Variants in DAB1 observed in about 807,000 individuals in gnomAD.
The protein encoded by DAB1 is DAB adaptor protein 1, also known as disabled homolog 1.
A neutral mutation model predicts 64.6 loss-of-function variants in DAB1; 15 were observed. The ratio of observed to expected loss-of-function variants is 0.23; its 90% CI spans 0.16 to 0.36. The LOEUF (loss-of-function observed/expected upper bound fraction) is 0.36, where lower values mean the gene tolerates loss of function less well. Among genes scored for constraint, DAB1 ranks in the 10% least tolerant of loss-of-function variants. The pLI is 1.00. For synonymous variants in DAB1, 235 were observed against 251.9 expected, an observed-to-expected ratio of 0.93 and a Z score of 0.64; for missense variants, 596 against 706.7, an observed-to-expected ratio of 0.84 and a Z score of 1.78.
At chr1:57,670,892 C>T (rs1646502864) in intron 6 of DAB1, among the ~76,000 whole-genome samples, 1 of 152,108 alleles carries the variant, frequency 6.6e-6, no homozygotes, top group African/African-American at 2.4e-5. Context: ...GATACCAAAA[C>T]CCACAGTGTT....
At chr1:57,774,312 G>T (rs1649695292) in intron 6 of DAB1, among the ~76,000 whole-genome samples, 1 of 151,718 alleles carries the variant, frequency 6.6e-6, no homozygotes. Context: ...TTTGTATCCT[G>T]CAATCTGGCT....
chr1:58,421,493 A>T (rs766488416), intron 3 of DAB1, among the ~76,000 whole-genome samples: 4 of 152,220 alleles, frequency 2.6e-5, no homozygotes, highest in Non-Finnish European at 4.4e-5. Context: ...AGAAATATAT[A>T]TGTCACATCT....
At chr1:57,874,765 A>G (rs1644015088) in intron 1 of DAB1, among the ~76,000 whole-genome samples, 1 of 152,130 alleles carries the variant, frequency 6.6e-6, no homozygotes, top group Non-Finnish European at 1.5e-5. Flanking sequence ...GGGTTCAAAC[A>G]AGGTTAAAAC....
At chr1:57,957,700 C>A (rs1046479421) in intron 5 of DAB1, among the ~76,000 whole-genome samples, 15 of 152,078 alleles carry the variant, frequency 9.9e-5, no homozygotes, top group African/African-American at 3.4e-4. Context: ...TAAAGGAAAA[C>A]TGAGGATTGG....
At chr1:57,131,183 G>C (rs931998141) in intron 4 of DAB1, among the ~76,000 whole-genome samples, 2 of 152,114 alleles carry the variant, frequency 1.3e-5, no homozygotes, top group Non-Finnish European at 2.9e-5. Context: ...AATAAGCTTA[G>C]GTATTATAGA....
chr1:57,297,631 T>G (rs1558115789), intron 1 of DAB1, among the ~76,000 whole-genome samples: 1 of 152,106 alleles, frequency 6.6e-6, no homozygotes, highest in Non-Finnish European at 1.5e-5. Context: ...GCATTGGGTG[T>G]TTTTTGCTTA....
At chr1:57,285,214 A>C (rs1255864529) in intron 2 of DAB1, among the ~76,000 whole-genome samples, 2 of 152,172 alleles carry the variant, frequency 1.3e-5, no homozygotes, top group Non-Finnish European at 2.9e-5. Context: ...GCCAGACTAC[A>C]TTGCAGACCC....
intron 5 of DAB1, among the ~76,000 whole-genome samples, chr1:58,104,142 G>A (rs552681191): frequency 6.6e-6 from 1 of 152,352 alleles, no homozygotes; most frequent in African/African-American, 2.4e-5. Context: ...AGTGTGCCAG[G>A]CACAGAGAGG....
intron 4 of DAB1, among the ~76,000 whole-genome samples, chr1:58,311,773 C>T (rs1382032828): frequency 6.6e-6 from 1 of 152,126 alleles, no homozygotes; most frequent in Non-Finnish European, 1.5e-5. Flanking sequence ...TTCATAAGTG[C>T]TACCCCAGTA....
intron 2 of DAB1, among the ~76,000 whole-genome samples, chr1:57,151,865 G>T (rs531723648): frequency 1.4e-5 from 2 of 139,056 alleles, no homozygotes. Context: ...CCAGGCTGGA[G>T]TGCAGTAGCT....
intron 1 of DAB1, among the ~76,000 whole-genome samples, chr1:57,852,233 C>T (rs891911853): frequency 6.6e-6 from 1 of 152,156 alleles, no homozygotes; most frequent in Non-Finnish European, 1.5e-5. Context: ...GAAAGGAATG[C>T]CACACAGAGA....
At chr1:57,869,710 A>G (rs1643906766) in intron 1 of DAB1, among the ~76,000 whole-genome samples, 2 of 152,112 alleles carry the variant, frequency 1.3e-5, no homozygotes, top group Non-Finnish European at 2.9e-5. Context: ...GACGAGAGAA[A>G]CTTGCTTCAG....
chr1:57,193,381 GTTTTTTTTT>G (rs999329119), intron 2 of DAB1, among the ~76,000 whole-genome samples: 2 of 83,070 alleles, frequency 2.4e-5, no homozygotes, highest in Admixed American at 1.9e-4. Flanking sequence ...CGTAGCATAT[GTTTTTTTTT>G]TTTTTTTTTT....
At chr1:57,500,237 C>A (rs566948444) in intron 7 of DAB1, among the ~76,000 whole-genome samples, 2 of 152,322 alleles carry the variant, frequency 1.3e-5, no homozygotes, top group African/African-American at 4.8e-5. Flanking sequence ...AGGAATAAAG[C>A]AGACTAGATC....
At chr1:57,740,974 A>G (rs924085820) in intron 6 of DAB1, among the ~76,000 whole-genome samples, 2 of 152,140 alleles carry the variant, frequency 1.3e-5, no homozygotes, top group Non-Finnish European at 2.9e-5. Flanking sequence ...TTAAAGATTG[A>G]GGTGGGGTGT....
rs150232043 is a variant in DAB1 at position 57,656,919 on chromosome 1, A to T, written n.552-7254T>A. Among the ~76,000 whole-genome samples, 427 of 152,320 alleles carry T rather than the reference A, an allele frequency of 2.8e-3. 3 individuals are homozygous for T. Among genetic ancestry groups the T allele is most frequent in the Middle Eastern group, 0.017 (5 of 294 alleles). On this transcript the variant is annotated intron_variant and non_coding_transcript_variant, in intron 6 of 20. Coordinates refer to the DAB1 transcript ENST00000485760. ...TATATAATTGCAGGTTTGTTGTAACATTAAGTACTACTTTGAAAGACCTTA... is the reference window on the plus strand; with the variant it reads ...TATATAATTGCAGGTTTGTTGTAACTTTAAGTACTACTTTGAAAGACCTTA...
At chr1:57,120,600 A>G (rs1170796070) in intron 4 of DAB1, among the ~76,000 whole-genome samples, 1 of 152,136 alleles carries the variant, frequency 6.6e-6, no homozygotes, top group Non-Finnish European at 1.5e-5. Flanking sequence ...GTACCTATTA[A>G]ATACTAACTC....
At chr1:58,063,847 G>A (rs1213055289) in intron 5 of DAB1, among the ~76,000 whole-genome samples, 1 of 152,156 alleles carries the variant, frequency 6.6e-6, no homozygotes, top group Non-Finnish European at 1.5e-5. Flanking sequence ...AGACAAAACT[G>A]GTGCTCTATA....
At chr1:58,533,934 A>G (rs1646476128) in intron 1 of DAB1, 1 of 868,712 alleles carries the variant, frequency 1.2e-6, no homozygotes, top group African/African-American at 1.6e-5. Context: ...AAACCTGAAC[A>G]TTCATTTTAG....
Sources: gnomAD v4.1 joint callset for allele counts (sites outside exome capture counted in the v4.1 genomes callset) on GRCh38, gnomAD v4.1.1 for gene constraint, MANE v1.5 for transcripts, NCBI Gene and HGNC (gene_info 2026-07-23, HGNC 2026-07-21) for gene names.